Variants in BACH2 observed in about 807,000 individuals in gnomAD.
The protein encoded by BACH2 is transcription regulator protein BACH2.
In BACH2, 5 loss-of-function variants were observed where a neutral mutation model predicts 61.8. The observed-to-expected ratio is 0.08, with a 90% CI of 0.04 to 0.17. The LOEUF (loss-of-function observed/expected upper bound fraction) is 0.17. Among genes scored for constraint, BACH2 ranks in the 10% least tolerant of loss-of-function variants. The pLI is 1.00. For missense variants in BACH2, 824 were observed against 1,091.1 expected (o/e 0.76, Z 3.45); for synonymous variants, 446 against 440.1 (o/e 1.01, Z -0.17).
rs760300804 is a variant in BACH2 at position 89,932,614 on chromosome 6, C to T, written c.2320G>A (p.Ala774Thr). 61 of 1,613,824 alleles carry T rather than the reference C, an allele frequency of 3.8e-5. No individual in the cohort carries two copies. Among genetic ancestry groups the T allele is most frequent in the South Asian group, 3.7e-4 (34 of 91,068 alleles). ...ENVPCCLEPG[A>T]APPGPPWAPS... ...GCCCAGGGGGGTCCGGGGGGAGCCGCGCCTGGCTCCAAGCAGCAGGGCACG... is the reference window on the plus strand; with the variant it reads ...GCCCAGGGGGGTCCGGGGGGAGCCGTGCCTGGCTCCAAGCAGCAGGGCACG... Residue 774 changes from alanine to threonine, a missense_variant, in exon 9 of 9, where the codon GCG (alanine) becomes ACG (threonine). Physicochemically the swap from Ala to Thr is moderately conservative, Grantham distance 58. Around this residue, in one of 8 missense-constraint regions of BACH2, gnomAD observed 135 missense variants for 142.7 expected, o/e 0.95. Coordinates refer to ENST00000257749, the MANE Select transcript of BACH2 (RefSeq NM_021813.4).
chr6:90,236,604 G>A (rs1770266774), intron 3 of BACH2, among the ~76,000 whole-genome samples: 1 of 152,198 alleles, frequency 6.6e-6, no homozygotes, highest in African/African-American at 2.4e-5. Context: ...GAACCAAGGG[G>A]CTGGCCATAT....
chr6:90,033,962 A>G (rs1305128451), intron 5 of BACH2, among the ~76,000 whole-genome samples: 3 of 152,170 alleles, frequency 2.0e-5, no homozygotes, highest in Non-Finnish European at 2.9e-5. Context: ...ATCCTTTCAG[A>G]TTTTAAATCC....
intron 5 of BACH2, among the ~76,000 whole-genome samples, chr6:90,053,029 T>C (rs1020490863): frequency 6.6e-5 from 10 of 152,174 alleles, no homozygotes; most frequent in Non-Finnish European, 1.5e-4. Flanking sequence ...TTAGAAGTTA[T>C]ACACTAGTTC....
chr6:90,216,893 C>A (rs10806425), intron 3 of BACH2, among the ~76,000 whole-genome samples: 49,848 of 151,882 alleles, frequency 0.33, 8,920 homozygotes, highest in Non-Finnish European at 0.4. Context: ...ACAGGACACA[C>A]CCCATAATAA....
At chr6:90,284,241 A>G (rs1159785249) in intron 1 of BACH2, among the ~76,000 whole-genome samples, 1 of 152,166 alleles carries the variant, frequency 6.6e-6, no homozygotes, top group African/African-American at 2.4e-5. Context: ...AAATGTCCCC[A>G]TATGTAGACA....
At chr6:90,268,677 T>A (rs942424882) in intron 2 of BACH2, among the ~76,000 whole-genome samples, 21 of 152,128 alleles carry the variant, frequency 1.4e-4, no homozygotes, top group African/African-American at 4.8e-4. Flanking sequence ...ATCCATGACA[T>A]ACTGGAAATT....
intron 8 of BACH2, among the ~76,000 whole-genome samples, chr6:89,934,484 C>G (rs563938947): frequency 2.0e-5 from 3 of 152,100 alleles, no homozygotes; most frequent in African/African-American, 7.2e-5. Flanking sequence ...ATGGTGAAAC[C>G]CTGTCTTTAC....
Position 90,008,591 on chromosome 6 carries a change from A to C in BACH2, c.243+11T>G. ...CATTCATTAACAATCACACAAACCA[A>C]ATTACTGTACCTCCTCAGGCAAGCT... On this transcript the variant is annotated intron_variant, in intron 6 of 8. Transcript: ENST00000257749. The surrounding 1 kb of genome is among the most constrained non-coding windows in gnomAD (Gnocchi z 4.1). 1 of 1,613,770 alleles carries C rather than the reference A, an allele frequency of 6.2e-7. No homozygotes were observed. Among genetic ancestry groups the C allele is most frequent in the Non-Finnish European group, 8.5e-7 (1 of 1,179,948 alleles).
chr6:89,951,013 C>A lies in BACH2; in HGVS notation c.1093G>T (p.Ala365Ser). Residue 365 changes from alanine to serine, a missense_variant, in exon 7 of 9, where the codon GCC becomes TCC. By Grantham distance (99) the Ala-to-Ser change is moderately conservative (BLOSUM62 1). Coordinates refer to ENST00000257749, the MANE Select transcript of BACH2 (RefSeq NM_021813.4). The surrounding 1 kb of genome is among the most constrained non-coding windows in gnomAD (Gnocchi z 6.4). ...TCAAAAGGGCAGGCTGGACTCCTGG[C>A]AAAGTGCTGCTGAGATGTACTGGGC... The part of the protein sequence containing the change: ...GLPSTSQQHF[A>S]RSPACPFDKG... 1 of 1,593,132 alleles carries A rather than the reference C, an allele frequency of 6.3e-7. No homozygotes were observed. The highest frequency in any genetic ancestry group is 1.3e-5 in the African/African-American group (1 of 74,322).
intron 4 of BACH2, among the ~76,000 whole-genome samples, chr6:90,104,823 G>A (rs1432508525): frequency 6.6e-6 from 1 of 152,180 alleles, no homozygotes; most frequent in Non-Finnish European, 1.5e-5. Context: ...TGGGGGACTG[G>A]GGGAGTGGGA....
chr6:90,132,721 T>C (rs1340745305), intron 4 of BACH2, among the ~76,000 whole-genome samples: 1 of 152,208 alleles, frequency 6.6e-6, no homozygotes, highest in Non-Finnish European at 1.5e-5. Context: ...GCCACTGTAA[T>C]GGTTTTCCTG....
intron 6 of BACH2, among the ~76,000 whole-genome samples, chr6:89,986,548 A>G (rs1776250961): frequency 6.6e-6 from 1 of 152,208 alleles, no homozygotes; most frequent in Non-Finnish European, 1.5e-5. Context: ...ATGAATACAC[A>G]TAATGGAGCA....
intron 5 of BACH2, among the ~76,000 whole-genome samples, chr6:90,075,016 A>G (rs1341996477): frequency 2.0e-5 from 3 of 152,160 alleles, no homozygotes; most frequent in African/African-American, 4.8e-5. Flanking sequence ...CCAGGATTCA[A>G]TTTAGAACAA....
intron 5 of BACH2, among the ~76,000 whole-genome samples, chr6:90,060,364 T>C (rs1005796392): frequency 3.3e-5 from 5 of 152,254 alleles, no homozygotes; most frequent in East Asian, 1.9e-4. Flanking sequence ...CTGTGCTCCA[T>C]TGCATGAAAC....
intron 8 of BACH2, 127 bp from the exon 9 acceptor site, chr6:89,933,017 C>G: frequency 2.7e-6 from 3 of 1,099,214 alleles, no homozygotes; most frequent in East Asian, 2.6e-5. Context: ...ATGACTAGGT[C>G]AGGCTCTAGA....
At chr6:90,135,176 C>T (rs964253932) in intron 4 of BACH2, among the ~76,000 whole-genome samples, 3 of 152,168 alleles carry the variant, frequency 2.0e-5, no homozygotes, top group African/African-American at 7.2e-5. Flanking sequence ...TTTTCACATC[C>T]TACAAACATT....
Position 90,008,848 on chromosome 6 carries a change from G to A in BACH2, c.-4C>T. On this transcript the variant is annotated 5_prime_UTR_variant, in exon 6 of 9. In the 5' UTR this introduces an upstream ATG that the reference lacks. Coordinates refer to ENST00000257749, the MANE Select transcript of BACH2 (RefSeq NM_021813.4). The surrounding 1 kb of genome is among the most constrained non-coding windows in gnomAD (Gnocchi z 4.1). ...CAGGCTTCTCATCCACAGACATGCC[G>A]TTCACACCCTGAAAGAAAGAAAGAA... 6.2e-7 allele frequency: 1 copy of A among 1,612,980 alleles called. No homozygotes were observed. Among genetic ancestry groups the A allele is most frequent in the Non-Finnish European group, 8.5e-7 (1 of 1,179,204 alleles).
intron 5 of BACH2, among the ~76,000 whole-genome samples, chr6:90,079,676 A>T (rs758453542): frequency 2.0e-5 from 3 of 152,182 alleles, no homozygotes; most frequent in Non-Finnish European, 4.4e-5. Context: ...ATCAGAATTA[A>T]CAGAGTGATT....
chr6:90,022,863 C>T (rs1217742082), intron 5 of BACH2, among the ~76,000 whole-genome samples: 1 of 152,136 alleles, frequency 6.6e-6, no homozygotes, highest in African/African-American at 2.4e-5. Flanking sequence ...AATTCCATGC[C>T]TAGGTTATAC....
Sources: allele counts gnomAD v4.1 joint callset (sites outside exome capture counted in the v4.1 genomes callset), GRCh38; gene constraint gnomAD v4.1.1; regional missense constraint gnomAD v4.1.1; non-coding constraint Gnocchi (gnomAD v3.1); transcripts MANE v1.5; gene names NCBI Gene and HGNC (gene_info 2026-07-23, HGNC 2026-07-21).